FBXO10: variants seen among roughly 807,000 people sequenced by gnomAD.
FBXO10 encodes the protein F-box protein 10.
In FBXO10, 39 loss-of-function variants were observed where a neutral mutation model predicts 80.7. The ratio of observed to expected loss-of-function variants is 0.48; its 90% CI spans 0.37 to 0.63. The LOEUF (loss-of-function observed/expected upper bound fraction) is 0.63, where lower values mean the gene tolerates loss of function less well. Among genes scored for constraint, FBXO10 ranks in the 30% least tolerant of loss-of-function variants. The pLI, the probability that FBXO10 is intolerant of heterozygous loss-of-function variation, is 0.00. For missense variants in FBXO10, 1,025 were observed against 1,269.0 expected, an observed-to-expected ratio of 0.81 and a Z score of 2.92; for synonymous variants, 449 against 489.6, an observed-to-expected ratio of 0.92 and a Z score of 1.09.
At chr9:37,572,679 A>T (rs1822789220) in intron 1 of FBXO10, among the ~76,000 whole-genome samples, 1 of 152,188 alleles carries the variant, frequency 6.6e-6, no homozygotes, top group Admixed American at 6.5e-5. Context: ...TCACAAGATG[A>T]TTTCTTCTAG....
chr9:37,537,302 T>A lies in FBXO10; in HGVS notation c.1227A>T (p.Ser409=), dbSNP rs1821793242. The change falls in exon 3 of 11, where the codon TCA becomes TCT. Residue 409 remains serine, a synonymous_variant. Coordinates refer to ENST00000432825, the MANE Select transcript of FBXO10 (RefSeq NM_012166.3). ...TATCCTTCTGCAGCTCCTGCTGCAG[T>A]GAGTTCAGCACTAGGCAGCTGGGCA... ...IQLPSCLVLN[S]LQQELQKDKE... is the part of the protein sequence containing the mutation. The A allele has an allele frequency of 6.2e-7, 1 of 1,612,682 alleles. No homozygotes were observed. Among genetic ancestry groups the A allele is most frequent in the African/African-American group, 1.3e-5 (1 of 74,928 alleles).
intron 1 of FBXO10, among the ~76,000 whole-genome samples, chr9:37,547,038 C>A (rs949978727): frequency 3.9e-5 from 6 of 152,154 alleles, no homozygotes; most frequent in Admixed American, 3.9e-4. Context: ...CATACCTATC[C>A]TATGACCCAG....
At chr9:37,517,208 G>C (rs1232792872) in intron 9 of FBXO10, among the ~76,000 whole-genome samples, 1 of 152,064 alleles carries the variant, frequency 6.6e-6, no homozygotes, top group African/African-American at 2.4e-5. Context: ...TGGTGACTCA[G>C]GGGGAAGGGT....
chr9:37,520,930 A>C (rs1040263228), intron 8 of FBXO10, among the ~76,000 whole-genome samples: 1 of 152,196 alleles, frequency 6.6e-6, no homozygotes, highest in Non-Finnish European at 1.5e-5. Flanking sequence ...CAGCCACAGA[A>C]ATAAATACAG....
intron 1 of FBXO10, among the ~76,000 whole-genome samples, chr9:37,556,846 G>C (rs968788653): frequency 2.6e-5 from 4 of 152,154 alleles, no homozygotes; most frequent in African/African-American, 9.7e-5. Context: ...CATCCAGCCT[G>C]TTCTGTATTC....
At position 37,550,169 on chromosome 9, in the gene FBXO10, G is replaced by GTTTTTTTTTTTTTTTTTTTTTT. The variant is rs74171511; in HGVS notation, c.-6-8417_-6-8396dup. On this transcript the variant is annotated intron_variant, in intron 1 of 10. Coordinates refer to ENST00000432825, the MANE Select transcript of FBXO10 (RefSeq NM_012166.3). ...CAGTTTTCTTTTTTTGTCGTCTCAGGTTTTTTTTTTTTTTTTTTTTTTTTT... is the reference window on the plus strand; with the variant it reads ...CAGTTTTCTTTTTTTGTCGTCTCAGGTTTTTTTTTTTTTTTTTTTTTTTTTTTTTTTTTTTTTTTTTTTTTTT... Among the ~76,000 whole-genome samples, 6 of 68,006 alleles carry GTTTTTTTTTTTTTTTTTTTTTT rather than the reference G, an allele frequency of 8.8e-5. 2 individuals carry two copies. The highest frequency in any genetic ancestry group is 1.5e-4 in the African/African-American group (3 of 19,374). The allele number at this position is 68,006 out of a possible 152,430, so 44.6% of individuals were successfully genotyped here. A position where few individuals can be genotyped will look rare whatever the true frequency, so the allele number is the denominator to read the frequency against.
rs766281436 is a variant in FBXO10 at position 37,515,924 on chromosome 9, CTTG to C, written c.2673_2675del (p.Asn891del). 5 of 1,613,728 alleles carry C rather than the reference CTTG, an allele frequency of 3.1e-6. No homozygotes were observed. The Admixed American group carries it at 5.0e-5, about 16-fold the overall frequency. ...CTCACTTTTTCTTGAAGACCAGGAA[CTTG>C]TTGTTTTGCATGATGCATTCTCGGT... On this transcript the variant is annotated inframe_deletion, in exon 10 of 11. Coordinates refer to ENST00000432825, the MANE Select transcript of FBXO10 (RefSeq NM_012166.3).
chr9:37,557,442 G>A (rs1822364933), intron 1 of FBXO10, among the ~76,000 whole-genome samples: 1 of 152,200 alleles, frequency 6.6e-6, no homozygotes, highest in Non-Finnish European at 1.5e-5. Flanking sequence ...TTCTCATGAG[G>A]AAGGAGCTCT....
chr9:37,576,158 C>T (rs1822890208), intron 1 of FBXO10, 53 bp downstream of exon 1: 1 of 152,232 alleles, frequency 6.6e-6, no homozygotes, highest in Non-Finnish European at 1.5e-5. Context: ...GCCCCGGGTC[C>T]CCTCCCCCGG....
intron 1 of FBXO10, among the ~76,000 whole-genome samples, chr9:37,545,163 T>C (rs968170832): frequency 6.9e-6 from 1 of 145,904 alleles, no homozygotes; most frequent in African/African-American, 2.5e-5. Context: ...TCTTTAGTTA[T>C]ACATTCTCAG....
chr9:37,544,143 C>T (rs900990487), intron 1 of FBXO10, among the ~76,000 whole-genome samples: 1 of 152,184 alleles, frequency 6.6e-6, no homozygotes, highest in Non-Finnish European at 1.5e-5. Flanking sequence ...GGGGCGTGCG[C>T]CTGTAGTTCC....
chr9:37,553,936 AAAAG>A (rs1554648220), intron 1 of FBXO10, among the ~76,000 whole-genome samples: 4 of 148,888 alleles, frequency 2.7e-5, no homozygotes, highest in East Asian at 1.9e-4. Context: ...AAAAAAAAAA[AAAAG>A]AAAGAAAGAA....
At position 37,522,893 on chromosome 9, in the gene FBXO10, A is replaced by G; in HGVS notation, c.1862T>C (p.Phe621Ser). 6.4e-7 allele frequency: 1 copy of G among 1,567,168 alleles called. No homozygotes were observed. The highest frequency in any genetic ancestry group is 8.7e-7 in the Non-Finnish European group (1 of 1,155,958). ...CACAACCACACCATCTGAATAGCCA[A>G]AGCAGATGAGGTTACTCCTGAGAAC... ...IPVLRSNLIC[F>S]GYSDGVVVGD... is the part of the protein sequence containing the mutation. The change falls in exon 7 of 11, where the codon TTT (phenylalanine) becomes TCT (serine). Residue 621 changes from phenylalanine (F) to serine (S), a missense_variant. Phe to Ser is a radical substitution (Grantham distance 155). Transcript: ENST00000432825.
chr9:37,574,572 G>A (rs1407822647), intron 1 of FBXO10, among the ~76,000 whole-genome samples: 2 of 152,182 alleles, frequency 1.3e-5, no homozygotes, highest in Non-Finnish European at 2.9e-5. Flanking sequence ...CCCTGATAAA[G>A]CAGCTTTTTC....
At position 37,544,706 on chromosome 9, in the gene FBXO10, G is replaced by A. The variant is rs575124749; in HGVS notation, c.-6-2932C>T. ...TCACCAGCGAGACTTTACTAAGAGAGAAAAGCGGCCGGGCGCGGTGGCTCA... is the reference window on the plus strand; with the variant it reads ...TCACCAGCGAGACTTTACTAAGAGAAAAAAGCGGCCGGGCGCGGTGGCTCA... On this transcript the variant is annotated intron_variant, in intron 1 of 10. Coordinates refer to ENST00000432825, the MANE Select transcript of FBXO10 (RefSeq NM_012166.3). Among the ~76,000 whole-genome samples the A allele has an allele frequency of 4.6e-5, 7 of 151,928 alleles. 1 individual carries two copies. The highest frequency in any genetic ancestry group is 1.7e-4 in the African/African-American group (7 of 41,454).
Position 37,564,286 on chromosome 9 carries a change from G to T in FBXO10, c.-7+11925C>A, listed in dbSNP as rs114849883. On this transcript the variant is annotated intron_variant, in intron 1 of 10. Coordinates refer to ENST00000432825, the MANE Select transcript of FBXO10 (RefSeq NM_012166.3). ...ATGGAAACAGCTGGATGTCCAGGAA[G>T]AAGTTTGCTGCAGGGGTGGAGCCCT... Among the ~76,000 whole-genome samples, 1,027 of 152,382 alleles carry T rather than the reference G, an allele frequency of 6.7e-3. 12 individuals carry two copies. Among genetic ancestry groups the T allele is most frequent in the African/African-American group, 0.023 (973 of 41,594 alleles).
At chr9:37,555,391 C>T (rs75945322) in intron 1 of FBXO10, among the ~76,000 whole-genome samples, 4 of 148,592 alleles carry the variant, frequency 2.7e-5, no homozygotes, top group Admixed American at 6.7e-5. Flanking sequence ...TTTTTTTTTT[C>T]AGACGGAGTT....
At chr9:37,560,162 A>G (rs1046000384) in intron 1 of FBXO10, among the ~76,000 whole-genome samples, 1 of 152,220 alleles carries the variant, frequency 6.6e-6, no homozygotes, top group Non-Finnish European at 1.5e-5. Context: ...GATCAGAGCT[A>G]TATTTTAAGG....
chr9:37,566,157 T>C (rs141311057), intron 1 of FBXO10, among the ~76,000 whole-genome samples: 18 of 152,298 alleles, frequency 1.2e-4, no homozygotes, highest in African/African-American at 3.9e-4. Context: ...ACACTCTAGT[T>C]TGGGCTCTGC....
Sources: allele counts gnomAD v4.1 joint callset (sites outside exome capture counted in the v4.1 genomes callset), GRCh38; gene constraint gnomAD v4.1.1; transcripts MANE v1.5; gene names NCBI Gene and HGNC (gene_info 2026-07-23, HGNC 2026-07-21).